Variants in TENM2 observed in about 807,000 individuals in gnomAD.
The protein encoded by TENM2 is teneurin transmembrane protein 2, also known as teneurin-2.
Under a neutral mutation model 245.2 loss-of-function variants are expected in TENM2, and 52 were observed. The observed-to-expected ratio is 0.21, with a 90% CI of 0.17 to 0.27. The LOEUF (loss-of-function observed/expected upper bound fraction) is 0.27. TENM2 is among the 10% of genes least tolerant of loss of function. The pLI is 1.00. For synonymous variants in TENM2, 1,363 were observed against 1,438.9 expected (o/e 0.95, Z 1.19); for missense variants, 3,046 against 3,666.8 (o/e 0.83, Z 4.37).
chr5:168,134,437 G>C (rs1055221333), intron 12 of TENM2, among the ~76,000 whole-genome samples: 2 of 152,150 alleles, frequency 1.3e-5, no homozygotes, highest in Admixed American at 1.3e-4. Flanking sequence ...TGTAATCCCA[G>C]CACTTTGGGA....
chr5:167,354,642 T>G (rs550962092), intron 1 of TENM2, among the ~76,000 whole-genome samples: 2 of 152,334 alleles, frequency 1.3e-5, no homozygotes, highest in African/African-American at 4.8e-5. Flanking sequence ...ATATAGCCTT[T>G]GAAGTCAAAA....
chr5:167,029,788 G>A, the TENM2 span, among the ~76,000 whole-genome samples: 1 of 152,098 alleles, frequency 6.6e-6, no homozygotes, highest in East Asian at 1.9e-4. Context: ...CTTAATGAAT[G>A]TTACTTTATT....
chr5:167,938,813 T>G (rs963849791), intron 3 of TENM2, among the ~76,000 whole-genome samples: 1 of 151,966 alleles, frequency 6.6e-6, no homozygotes, highest in Non-Finnish European at 1.5e-5. Context: ...TGTGGTGGCA[T>G]GCGCCTGCAG....
At chr5:167,817,768 T>A (rs1561814937) in intron 2 of TENM2, among the ~76,000 whole-genome samples, 1 of 152,228 alleles carries the variant, frequency 6.6e-6, no homozygotes, top group South Asian at 2.1e-4. Flanking sequence ...GGCTATGAGT[T>A]CCACTGGTTT....
At chr5:166,990,227 G>T in the TENM2 span, among the ~76,000 whole-genome samples, 1 of 152,104 alleles carries the variant, frequency 6.6e-6, no homozygotes, top group Middle Eastern at 3.4e-3. Context: ...CTGAAGTGCC[G>T]GGCCCAACCA....
chr5:167,414,386 A>T (rs1763060580), intron 2 of TENM2, among the ~76,000 whole-genome samples: 1 of 152,146 alleles, frequency 6.6e-6, no homozygotes, highest in South Asian at 2.1e-4. Flanking sequence ...AAGGATCTTT[A>T]AAAAATTGAT....
chr5:167,197,501 C>T, the TENM2 span, among the ~76,000 whole-genome samples: 1 of 151,982 alleles, frequency 6.6e-6, no homozygotes, highest in Non-Finnish European at 1.5e-5. Context: ...TATACTTTTT[C>T]CTGGGGCTGA....
At chr5:167,690,148 A>G (rs1757332287) in intron 2 of TENM2, among the ~76,000 whole-genome samples, 1 of 145,952 alleles carries the variant, frequency 6.9e-6, no homozygotes, top group African/African-American at 2.6e-5. Flanking sequence ...ACCCCAAAAC[A>G]TATTTTGAGG....
At chr5:167,914,256 G>T (rs568401564) in intron 3 of TENM2, among the ~76,000 whole-genome samples, 20 of 152,336 alleles carry the variant, frequency 1.3e-4, no homozygotes, top group African/African-American at 4.6e-4. Flanking sequence ...TTTTGGAAAT[G>T]AGAAGTACAA....
At chr5:167,807,624 T>TA (rs11287928) in intron 2 of TENM2, among the ~76,000 whole-genome samples, 3 of 149,632 alleles carry the variant, frequency 2.0e-5, no homozygotes, top group African/African-American at 4.9e-5. Flanking sequence ...GCATTTTTTT[T>TA]AAAAAAAAAA....
chr5:167,962,709 A>G (rs1781104934), intron 4 of TENM2, among the ~76,000 whole-genome samples: 1 of 152,148 alleles, frequency 6.6e-6, no homozygotes, highest in Non-Finnish European at 1.5e-5. Flanking sequence ...GGCAGCATCA[A>G]CTGCTGAGCA....
At chr5:168,216,231 A>G (rs945225444) in intron 21 of TENM2, among the ~76,000 whole-genome samples, 5 of 152,166 alleles carry the variant, frequency 3.3e-5, no homozygotes, top group Non-Finnish European at 7.4e-5. Flanking sequence ...GGGGAATGCT[A>G]GGCCCCAGTG....
chr5:167,027,180 G>A, the TENM2 span, among the ~76,000 whole-genome samples: 1 of 152,138 alleles, frequency 6.6e-6, no homozygotes, highest in Non-Finnish European at 1.5e-5. Context: ...TTCATAGGAT[G>A]GGTTGGGGGA....
At chr5:167,755,520 T>TGTTAA (rs150535984) in intron 2 of TENM2, among the ~76,000 whole-genome samples, 1,960 of 152,188 alleles carry the variant, frequency 0.013, 17 homozygotes, top group Middle Eastern at 0.031. Context: ...TGTAAACATC[T>TGTTAA]GTTAAGTCAA....
At chr5:167,849,500 C>T (rs1040475213) in intron 2 of TENM2, among the ~76,000 whole-genome samples, 13 of 152,254 alleles carry the variant, frequency 8.5e-5, no homozygotes, top group Admixed American at 8.5e-4. Flanking sequence ...ATCAGTTCTC[C>T]AGTGGACACC....
At chr5:167,365,574 T>TA (rs1463109533) in intron 1 of TENM2, among the ~76,000 whole-genome samples, 3 of 151,854 alleles carry the variant, frequency 2.0e-5, no homozygotes, top group Non-Finnish European at 1.5e-5. Flanking sequence ...AGAATACTGT[T>TA]AGAGATTTAC....
At chr5:167,590,668 A>G (rs959209116) in intron 2 of TENM2, among the ~76,000 whole-genome samples, 1 of 152,080 alleles carries the variant, frequency 6.6e-6, no homozygotes, top group African/African-American at 2.4e-5. Context: ...GCCATGCCTC[A>G]GTAGTATTTT....
intron 4 of TENM2, among the ~76,000 whole-genome samples, chr5:167,954,688 C>G (rs1410088599): frequency 1.3e-5 from 2 of 152,120 alleles, no homozygotes; most frequent in Non-Finnish European, 2.9e-5. Flanking sequence ...TATTGTTCAG[C>G]TCCCACTTAT....
chr5:167,987,462 G>A (rs530470953), intron 4 of TENM2, among the ~76,000 whole-genome samples: 2 of 151,898 alleles, frequency 1.3e-5, no homozygotes, highest in South Asian at 2.1e-4. Flanking sequence ...CAAGTAGGTG[G>A]GATTACAGGT....
Sources: gnomAD v4.1 joint callset for allele counts (sites outside exome capture counted in the v4.1 genomes callset) on GRCh38, gnomAD v4.1.1 for gene constraint, MANE v1.5 for transcripts, NCBI Gene and HGNC (gene_info 2026-07-23, HGNC 2026-07-21) for gene names.